IL10RA: variants seen among roughly 807,000 people sequenced by gnomAD.
IL10RA encodes interleukin-10 receptor subunit alpha.
Under a neutral mutation model 29.6 loss-of-function variants are expected in IL10RA, and 18 were observed. That is an observed-to-expected ratio of 0.61 (90% CI 0.42 to 0.90). The LOEUF is 0.90. Ranked by LOEUF, IL10RA falls within the 40% of genes least tolerant of loss-of-function variation. The probability of loss-of-function intolerance (pLI) is 0.00; values close to 1 mark genes in which losing one functional copy is unlikely to be tolerated. For missense variants in IL10RA, 634 were observed against 716.6 expected (o/e 0.88, Z 1.32); for synonymous variants, 292 against 294.1 (o/e 0.99, Z 0.07).
At chr11:117,997,014 C>T (rs1417327586) in intron 6 of IL10RA, among the ~76,000 whole-genome samples, 1 of 152,236 alleles carries the variant, frequency 6.6e-6, no homozygotes, top group African/African-American at 2.4e-5. Context: ...GCACAGAGCA[C>T]TGACACATTC....
chr11:117,991,274 A>G (rs1354797013), intron 3 of IL10RA, among the ~76,000 whole-genome samples: 1 of 152,216 alleles, frequency 6.6e-6, no homozygotes, highest in East Asian at 1.9e-4. Context: ...TTAATTGACA[A>G]GTAATAATTC....
downstream of IL10RA, chr11:118,002,500 G>C (rs1364388345): frequency 6.6e-6 from 1 of 152,252 alleles, no homozygotes; most frequent in Non-Finnish European, 1.5e-5. Context: ...CTGGAAATGA[G>C]GTGTTAGCGA....
Position 118,000,960 on chromosome 11 carries a change from A to C in IL10RA, c.*1319A>C. On this transcript the variant is annotated 3_prime_UTR_variant, in exon 7 of 7. Transcript: ENST00000227752. ...TTCAAACAAAGGCAGTTCAGTCCAC[A>C]GGCATGGAAGCTGTGAGGGGACAGG... 4.4e-6 allele frequency: 2 copies of C among 454,168 alleles called. No individual in the cohort carries two copies. Among genetic ancestry groups the C allele is most frequent in the Admixed American group, 2.3e-5 (1 of 42,578 alleles). 28.1% of individuals were successfully genotyped at this position (454,168 alleles called of 1,614,324 possible). A position where few individuals can be genotyped will look rare whatever the true frequency, so the allele number is the denominator to read the frequency against.
At chr11:117,995,467 T>C in intron 5 of IL10RA, 122 bp from the exon 6 acceptor site, 3 of 1,305,926 alleles carry the variant, frequency 2.3e-6, no homozygotes, top group Non-Finnish European at 3.3e-6. Flanking sequence ...GTAGTTTGCC[T>C]TGGGCCACTC....
intron 2 of IL10RA, 37 bp downstream of exon 2, chr11:117,988,539 G>A: frequency 6.2e-7 from 1 of 1,611,188 alleles, no homozygotes; most frequent in Non-Finnish European, 8.5e-7. Flanking sequence ...AGGGAGGAGT[G>A]AATCCCCGCC....
At chr11:117,993,181 C>A in intron 3 of IL10RA, 60 bp from the exon 4 acceptor site, 1 of 1,508,878 alleles carries the variant, frequency 6.6e-7, no homozygotes, top group East Asian at 2.3e-5. Context: ...GGCGGGGACA[C>A]CCAGGCCCTC....
In IL10RA at chr11:117,999,320, C is replaced by T. The variant is rs2058077865; in HGVS notation, c.1416C>T (p.Gly472=). 6.2e-7 allele frequency: 1 copy of T among 1,614,208 alleles called. No homozygotes were observed. The highest frequency in any genetic ancestry group is 1.3e-5 in the African/African-American group (1 of 75,062). ...CLEEESPLTD[G]LGPKFGRCLV... ...AGGAAGAATCGCCCTTGACAGATGG[C>T]CTTGGCCCCAAATTCGGGAGATGCC... Residue 472 remains glycine (G), a synonymous_variant, in exon 7 of 7, where the codon GGC becomes GGT. Coordinates refer to ENST00000227752, the MANE Select transcript of IL10RA (RefSeq NM_001558.4).
chr11:117,996,265 G>A (rs1046167548), intron 6 of IL10RA, among the ~76,000 whole-genome samples: 1 of 152,028 alleles, frequency 6.6e-6, no homozygotes, highest in Non-Finnish European at 1.5e-5. Context: ...CGGTGGGGAT[G>A]CTGCGCCACT....
chr11:118,002,689 T>G (rs2058103173), downstream of IL10RA: 1 of 152,256 alleles, frequency 6.6e-6, no homozygotes. Flanking sequence ...CCTGCTCCGT[T>G]TCTGTGGAAT....
At chr11:118,002,973 G>A (rs1018852964), downstream of IL10RA, 3 of 152,208 alleles carry the variant, frequency 2.0e-5, no homozygotes, top group Non-Finnish European at 4.4e-5. Context: ...TACAGAGAGG[G>A]GGTAAATGGG....
At position 117,994,126 on chromosome 11, in the gene IL10RA, A is replaced by G; in HGVS notation, c.665A>G (p.Glu222Gly). Reference sequence around the variant, plus strand: ...AACAAGGGGATGTGGTCTAAAGAGGAGTGCATCTCCCTCACCAGGCAGTGT... The same window carrying G: ...AACAAGGGGATGTGGTCTAAAGAGGGGTGCATCTCCCTCACCAGGCAGTGT... ...RSNKGMWSKE[E>G]CISLTRQYFT... The change falls in exon 5 of 7, where the codon GAG (glutamate) becomes GGG (glycine). Residue 222 changes from glutamate to glycine, a missense_variant. By Grantham distance (98) the Glu-to-Gly change is moderately conservative (BLOSUM62 -2). Transcript: ENST00000227752. 1 of 1,614,124 alleles carries G rather than the reference A, an allele frequency of 6.2e-7. No individual in the cohort carries two copies. Among genetic ancestry groups the G allele is most frequent in the Non-Finnish European group, 8.5e-7 (1 of 1,180,002 alleles).
At chr11:117,988,295 CT>C in intron 1 of IL10RA, 86 bp from the exon 2 acceptor site, 1 of 1,575,720 alleles carries the variant, frequency 6.3e-7, no homozygotes. Flanking sequence ...CATAGCCTCT[CT>C]GAACCTCCCT....
At chr11:117,995,546 C>G (rs560221229) in intron 5 of IL10RA, 43 bp from the exon 6 acceptor site, 1 of 1,612,732 alleles carries the variant, frequency 6.2e-7, no homozygotes, top group African/African-American at 1.3e-5. Context: ...AATCACCGTG[C>G]CCCATGGTGA....
In IL10RA at chr11:117,998,775, G is replaced by C; in HGVS notation, c.871G>C (p.Asp291His). The part of the protein sequence containing the change: ...ISQRPSPETQ[D>H]TIHPLDEEAF... ...CCAGCGTCCCTCCCCAGAGACCCAAGACACCATCCACCCGCTTGATGAGGA... is the reference window on the plus strand; with the variant it reads ...CCAGCGTCCCTCCCCAGAGACCCAACACACCATCCACCCGCTTGATGAGGA... Residue 291 changes from aspartate (D) to histidine (H), a missense_variant, in exon 7 of 7, where the codon GAC becomes CAC. Asp to His is a moderately conservative substitution (Grantham distance 81, BLOSUM62 -1). Transcript: ENST00000227752. The C allele has an allele frequency of 1.2e-6, 2 of 1,614,140 alleles. No individual in the cohort carries two copies. The highest frequency in any genetic ancestry group is 1.7e-6 in the Non-Finnish European group (2 of 1,180,028).
rs764567550 is a variant in IL10RA at position 117,999,683 on chromosome 11, C to T, written c.*42C>T. On this transcript the variant is annotated 3_prime_UTR_variant, in exon 7 of 7. Coordinates refer to ENST00000227752, the MANE Select transcript of IL10RA (RefSeq NM_001558.4). ...GCTTTTGATTTTAGCCATGCCTGCT[C>T]CTCTGCCTGGACCAGGAGGAGGGCC... 1.1e-5 allele frequency: 17 copies of T among 1,561,872 alleles called. No individual in the cohort carries two copies. In the African/African-American group the frequency reaches 1.6e-4, roughly 15 times the overall value.
downstream of IL10RA, chr11:118,002,470 G>A (rs575507153): frequency 1.3e-4 from 20 of 152,368 alleles, 1 homozygote; most frequent in African/African-American, 4.6e-4. Flanking sequence ...GGAAAGAAAA[G>A]TAGTGTTGGT....
rs1372763220 is a variant in IL10RA, at chr11:118,001,052, C to G, written c.*1411C>G. The G allele has an allele frequency of 6.6e-6, 3 of 454,296 alleles. No individual in the cohort carries two copies. Among genetic ancestry groups the G allele is most frequent in the Non-Finnish European group, 1.3e-5 (3 of 226,798 alleles). 28.1% of individuals were successfully genotyped at this position (454,296 alleles called of 1,614,324 possible). A position where few individuals can be genotyped will look rare whatever the true frequency, so the allele number is the denominator to read the frequency against. On this transcript the variant is annotated 3_prime_UTR_variant, in exon 7 of 7. Coordinates refer to ENST00000227752, the MANE Select transcript of IL10RA (RefSeq NM_001558.4). ...CTGGAGCATTCTGAAAACAGATATT[C>G]TGGCCCAGGGAATCCAGCCATGACC...
In IL10RA at chr11:117,994,530, G is replaced by C. The variant is rs940580619; in HGVS notation, c.688+381G>C. ...TCTTCCTCAGAGCCAGGGATACAAA[G>C]GGCTTCTCCTTACTTCCCCTACTCT... is the stretch of plus-strand genomic sequence containing the variant. On this transcript the variant is annotated intron_variant, in intron 5 of 6. Transcript: ENST00000227752. Among the ~76,000 whole-genome samples, 12 of 152,180 alleles carry C rather than the reference G, an allele frequency of 7.9e-5. No individual in the cohort carries two copies. The South Asian group carries it at 1.5e-3, about 18-fold the overall frequency.
rs775349201 is a variant in IL10RA at position 117,989,503 on chromosome 11, A to T, written c.250A>T (p.Thr84Ser). Reference sequence around the variant, plus strand: ...TAGCCAGACCCTGTCCTATGACCTTACCGCAGTGACCTTGGACCTGTACCA... The same window carrying T: ...TAGCCAGACCCTGTCCTATGACCTTTCCGCAGTGACCTTGGACCTGTACCA... Reference protein sequence around the residue: ...NCSQTLSYDLTAVTLDLYHSN... With the variant: ...NCSQTLSYDLSAVTLDLYHSN... The change falls in exon 3 of 7, where the codon ACC (threonine) becomes TCC (serine). Residue 84 changes from threonine to serine, a missense_variant. Thr to Ser is a moderately conservative substitution (Grantham distance 58). Transcript: ENST00000227752. The surrounding 1 kb of genome is among the most constrained non-coding windows in gnomAD (Gnocchi z 4.5). 4 of 1,614,120 alleles carry T rather than the reference A, an allele frequency of 2.5e-6. No homozygotes were observed. The South Asian group carries it at 3.3e-5, about 13-fold the overall frequency.
Sources: allele counts gnomAD v4.1 joint callset (sites outside exome capture counted in the v4.1 genomes callset), GRCh38; gene constraint gnomAD v4.1.1; non-coding constraint Gnocchi (gnomAD v3.1); transcripts MANE v1.5; gene names NCBI Gene and HGNC (gene_info 2026-07-23, HGNC 2026-07-21).